The following SGCZ variants were observed in gnomAD, a reference collection of about 807,000 sequenced individuals.
SGCZ encodes the protein sarcoglycan zeta, also known as zeta-sarcoglycan.
A neutral mutation model predicts 41.3 loss-of-function variants in SGCZ; 40 were observed. The ratio of observed to expected loss-of-function variants is 0.97; its 90% CI spans 0.75 to 1.26. SGCZ has a LOEUF of 1.26. SGCZ is among the 50% of genes most tolerant of loss of function. The probability of loss-of-function intolerance (pLI) is 0.00; values close to 1 mark genes in which losing one functional copy is unlikely to be tolerated. For missense variants in SGCZ, 552 were observed against 369.8 expected (o/e 1.49, Z -4.04); for synonymous variants, 206 against 137.5 (o/e 1.50, Z -3.49).
chr8:15,065,415 A>T (rs970479392), intron 1 of SGCZ, among the ~76,000 whole-genome samples: 20 of 137,474 alleles, frequency 1.5e-4, no homozygotes, highest in African/African-American at 5.4e-4. Context: ...ATGGTATTGT[A>T]ATTATTATTA....
chr8:14,760,680 A>G (rs956579306), intron 1 of SGCZ, among the ~76,000 whole-genome samples: 3 of 152,300 alleles, frequency 2.0e-5, no homozygotes, highest in East Asian at 3.9e-4. Flanking sequence ...CAACTCTCCT[A>G]TATTCTGTGA....
At chr8:15,133,592 C>G (rs2116979000) in intron 1 of SGCZ, among the ~76,000 whole-genome samples, 1 of 152,296 alleles carries the variant, frequency 6.6e-6, no homozygotes, top group Non-Finnish European at 1.5e-5. Flanking sequence ...TTTGCAGTAT[C>G]TCACTTGTAG....
At position 14,226,380 on chromosome 8, in the gene SGCZ, G is replaced by A. The variant is rs78313489; in HGVS notation, c.424+11212C>T. On this transcript the variant is annotated intron_variant, in intron 4 of 7. Transcript: ENST00000382080. Reference sequence around the variant, plus strand: ...CCTCAGAAAACTCTCTTGTGCTATCGCTTTGTACCTAAACCCTCCCCCATA... The same window carrying A: ...CCTCAGAAAACTCTCTTGTGCTATCACTTTGTACCTAAACCCTCCCCCATA... Among the ~76,000 whole-genome samples, 23 of 152,034 alleles carry A rather than the reference G, an allele frequency of 1.5e-4. 2 individuals are homozygous for A. In the South Asian group the frequency reaches 4.4e-3, roughly 29 times the overall value.
rs6981872 is a variant in SGCZ, at chr8:14,627,789, C to T, written c.40-72863G>A. Among the ~76,000 whole-genome samples, 743 of 152,052 alleles carry T rather than the reference C, an allele frequency of 4.9e-3. 5 individuals carry two copies. Among genetic ancestry groups the T allele is most frequent in the African/African-American group, 0.015 (624 of 41,522 alleles). ...TGCAATCATGAATACGTCTGCTGAC[C>T]TCAAAGTCCCATTTTAGGAAGCTGA... On this transcript the variant is annotated intron_variant, in intron 1 of 7. Coordinates refer to ENST00000382080, the MANE Select transcript of SGCZ (RefSeq NM_139167.4).
intron 1 of SGCZ, among the ~76,000 whole-genome samples, chr8:14,628,614 C>G (rs142668729): frequency 2.0e-5 from 3 of 152,074 alleles, no homozygotes; most frequent in Non-Finnish European, 4.4e-5. Flanking sequence ...GAGCTCTTGT[C>G]AAATAGCTGA....
chr8:14,266,592 T>C (rs989722124), intron 3 of SGCZ, among the ~76,000 whole-genome samples: 1 of 152,138 alleles, frequency 6.6e-6, no homozygotes, highest in Admixed American at 6.5e-5. Flanking sequence ...AGTTTATTTC[T>C]AGACAACATG....
chr8:14,637,656 T>C (rs1806878885), intron 1 of SGCZ, among the ~76,000 whole-genome samples: 1 of 151,894 alleles, frequency 6.6e-6, no homozygotes, highest in Non-Finnish European at 1.5e-5. Context: ...ATGATTCCGT[T>C]CTTTTTTATG....
intron 1 of SGCZ, among the ~76,000 whole-genome samples, chr8:14,786,869 A>G (rs912506965): frequency 1.3e-5 from 2 of 151,250 alleles, no homozygotes; most frequent in South Asian, 2.1e-4. Context: ...CACATAGATT[A>G]AGTAAGTCTT....
Position 14,273,440 on chromosome 8 carries a change from G to A in SGCZ, c.337-35761C>T, listed in dbSNP as rs149089213. Among the ~76,000 whole-genome samples the A allele has an allele frequency of 7.2e-3, 1,100 of 152,132 alleles. 8 individuals are homozygous for A. The highest frequency in any genetic ancestry group is 0.02 in the South Asian group (95 of 4,828). On this transcript the variant is annotated intron_variant, in intron 3 of 7. Transcript: ENST00000382080. ...CTCCCACACAAATATCCCTCAGATG[G>A]ACAAACAATTCAACTCCTCACACTC...
intron 5 of SGCZ, among the ~76,000 whole-genome samples, chr8:14,121,134 CG>C (rs1802684331): frequency 6.6e-6 from 1 of 152,030 alleles, no homozygotes; most frequent in African/African-American, 2.4e-5. Context: ...ATCCTTCTCA[CG>C]GAAACTCAAC....
At chr8:14,851,990 G>A (rs1563315416) in intron 1 of SGCZ, among the ~76,000 whole-genome samples, 1 of 152,010 alleles carries the variant, frequency 6.6e-6, no homozygotes, top group Non-Finnish European at 1.5e-5. Flanking sequence ...TTTGACCTTT[G>A]TTTTTTTCCT....
At chr8:14,115,836 CT>C (rs957718720) in intron 5 of SGCZ, among the ~76,000 whole-genome samples, 4 of 152,002 alleles carry the variant, frequency 2.6e-5, no homozygotes, top group African/African-American at 9.6e-5. Flanking sequence ...TTAATCCTAT[CT>C]TTTTTCCTTA....
chr8:14,764,167 G>A (rs942271756), intron 1 of SGCZ, among the ~76,000 whole-genome samples: 2 of 152,186 alleles, frequency 1.3e-5, no homozygotes, highest in African/African-American at 4.8e-5. Flanking sequence ...TAGACAAAGA[G>A]ACTGAGATTT....
At chr8:14,101,254 A>T (rs905278811) in intron 7 of SGCZ, among the ~76,000 whole-genome samples, 5 of 152,164 alleles carry the variant, frequency 3.3e-5, no homozygotes, top group African/African-American at 1.2e-4. Context: ...AGTCAGTGGC[A>T]TGAGGCACAG....
chr8:14,855,162 C>T (rs1433471734), intron 1 of SGCZ, among the ~76,000 whole-genome samples: 1 of 152,006 alleles, frequency 6.6e-6, no homozygotes, highest in African/African-American at 2.4e-5. Flanking sequence ...AAGCGATTCT[C>T]ATGCCTTAGT....
chr8:14,117,356 G>GGTTT (rs1554460512), intron 5 of SGCZ, among the ~76,000 whole-genome samples: 1 of 143,446 alleles, frequency 7.0e-6, no homozygotes, highest in African/African-American at 2.6e-5. Context: ...AATAGGTAGT[G>GGTTT]TTTTTTTTTT....
intron 2 of SGCZ, among the ~76,000 whole-genome samples, chr8:14,494,463 T>C (rs1183470673): frequency 6.6e-6 from 1 of 152,130 alleles, no homozygotes; most frequent in Admixed American, 6.6e-5. Flanking sequence ...TAAAATTAGG[T>C]TTTAAATAAA....
intron 1 of SGCZ, among the ~76,000 whole-genome samples, chr8:15,189,270 T>G (rs142525810): frequency 6.6e-6 from 1 of 152,054 alleles, no homozygotes; most frequent in East Asian, 1.9e-4. Flanking sequence ...AGCAAAGAGT[T>G]TGACCAAGGT....
intron 1 of SGCZ, among the ~76,000 whole-genome samples, chr8:14,816,938 C>G (rs181326276): frequency 1.2e-4 from 19 of 152,296 alleles, no homozygotes; most frequent in Middle Eastern, 3.4e-3. Flanking sequence ...ATCACAATTA[C>G]TTTTTAATTA....
Sources: gnomAD v4.1 joint callset for allele counts (sites outside exome capture counted in the v4.1 genomes callset) on GRCh38, gnomAD v4.1.1 for gene constraint, MANE v1.5 for transcripts, NCBI Gene and HGNC (gene_info 2026-07-23, HGNC 2026-07-21) for gene names.